SVOP: variants seen among roughly 807,000 people sequenced by gnomAD.
The protein encoded by SVOP is synaptic vesicle 2-related protein.
SVOP carries 17 observed loss-of-function variants against 69.1 expected under a neutral mutation model. The ratio of observed to expected loss-of-function variants is 0.25; its 90% CI spans 0.17 to 0.37. SVOP has a LOEUF of 0.37. SVOP is among the 10% of genes least tolerant of loss of function. The probability of loss-of-function intolerance (pLI) is 1.00; values close to 1 mark genes in which losing one functional copy is unlikely to be tolerated. For missense variants in SVOP, 435 were observed against 597.5 expected, an observed-to-expected ratio of 0.73 and a Z score of 2.84; for synonymous variants, 238 against 238.6, an observed-to-expected ratio of 1.00 and a Z score of 0.02.
intron 2 of SVOP, among the ~76,000 whole-genome samples, chr12:108,981,558 T>A (rs908004419): frequency 2.8e-4 from 42 of 152,216 alleles, no homozygotes; most frequent in Admixed American, 1.2e-3. Flanking sequence ...TGGGTAAGAA[T>A]GTGGGCTCTG....
chr12:108,976,477 G>A (rs1324390693), intron 4 of SVOP, among the ~76,000 whole-genome samples: 2 of 152,156 alleles, frequency 1.3e-5, no homozygotes, highest in East Asian at 1.9e-4. Flanking sequence ...GGATTAAAGA[G>A]CACATGTACA....
intron 5 of SVOP, among the ~76,000 whole-genome samples, chr12:108,964,519 C>G (rs1435514825): frequency 6.6e-6 from 1 of 151,654 alleles, no homozygotes; most frequent in Non-Finnish European, 1.5e-5. Flanking sequence ...TGCTGGGAGC[C>G]GTATTATCTG....
chr12:108,946,232 G>T (rs2137410902), intron 6 of SVOP, among the ~76,000 whole-genome samples: 1 of 151,604 alleles, frequency 6.6e-6, no homozygotes, highest in African/African-American at 2.4e-5. Flanking sequence ...CAAGTGCTAG[G>T]ATTATAGGCA....
At chr12:108,982,137 TATC>T (rs1436705757) in intron 2 of SVOP, among the ~76,000 whole-genome samples, 6 of 149,342 alleles carry the variant, frequency 4.0e-5, no homozygotes, top group African/African-American at 7.4e-5. Context: ...TCATCATCAC[TATC>T]ATCATCATTG....
At chr12:108,986,685 G>C (rs985907954) in intron 1 of SVOP, among the ~76,000 whole-genome samples, 2 of 152,112 alleles carry the variant, frequency 1.3e-5, no homozygotes, top group African/African-American at 4.8e-5. Flanking sequence ...ATAATAAGTT[G>C]CTCAATATTA....
chr12:108,959,147 G>T (rs149883096), intron 6 of SVOP, among the ~76,000 whole-genome samples: 44 of 151,936 alleles, frequency 2.9e-4, no homozygotes, highest in African/African-American at 1.0e-3. Flanking sequence ...ACAAGGGATC[G>T]CCCTGGTCCT....
At chr12:108,967,369 C>T (rs1043314809) in intron 5 of SVOP, among the ~76,000 whole-genome samples, 4 of 151,932 alleles carry the variant, frequency 2.6e-5, no homozygotes, top group Admixed American at 6.6e-5. Flanking sequence ...CCTGGTGGCA[C>T]GTGCCTGTAG....
chr12:108,960,268 A>AGTCAGCAGGTCGAATTCT (rs2040010082), intron 6 of SVOP, among the ~76,000 whole-genome samples: 1 of 152,202 alleles, frequency 6.6e-6, no homozygotes, highest in South Asian at 2.1e-4. Flanking sequence ...TTACAAAACC[A>AGTCAGCAGGTCGAATTCT]GTCAGCAGGT....
intron 3 of SVOP, chr12:108,978,375 G>T: frequency 1.9e-6 from 1 of 513,740 alleles, no homozygotes; most frequent in Non-Finnish European, 3.4e-6. Context: ...CCTTCTTGGG[G>T]GCAACTGCCA....
chr12:108,940,978 T>G, intron 7 of SVOP, 69 bp from the exon 8 acceptor site: 1 of 1,501,082 alleles, frequency 6.7e-7, no homozygotes, highest in Non-Finnish European at 8.9e-7. Flanking sequence ...TATGGGGGCA[T>G]TGTGGACAAG....
intron 6 of SVOP, among the ~76,000 whole-genome samples, chr12:108,947,521 A>G (rs2039932142): frequency 6.6e-6 from 1 of 152,142 alleles, no homozygotes; most frequent in Admixed American, 6.5e-5. Flanking sequence ...CCCTTCTCCA[A>G]TAATGGGAAA....
Position 108,988,918 on chromosome 12 carries a change from G to A in SVOP, c.36-5157C>T, listed in dbSNP as rs563831184. 2.6e-4 allele frequency among the ~76,000 whole-genome samples: 38 copies of A among 145,776 alleles called. No homozygotes were observed. The South Asian group carries it at 5.5e-3, about 21-fold the overall frequency. ...CTCCTGAGTAGCTGGGACTACAGGC[G>A]CATGCCACCACACCCAGCTAATTTT... On this transcript the variant is annotated intron_variant, in intron 1 of 15. Transcript: ENST00000610966.
chr12:108,978,362 A>G, intron 3 of SVOP: 1 of 506,242 alleles, frequency 2.0e-6, no homozygotes, highest in Non-Finnish European at 3.5e-6. Flanking sequence ...AGAAAGTTCA[A>G]CTCCTTCTTG....
chr12:109,001,478 C>CA (rs1211345879), intron 1 of SVOP, among the ~76,000 whole-genome samples: 1 of 149,520 alleles, frequency 6.7e-6, no homozygotes, highest in Non-Finnish European at 1.5e-5. Context: ...CATATGGAAC[C>CA]AAAAAAGAGC....
At chr12:108,920,364 G>T (rs78572782) in intron 12 of SVOP, among the ~76,000 whole-genome samples, 5,362 of 152,258 alleles carry the variant, frequency 0.035, 136 homozygotes, top group Middle Eastern at 0.099. Flanking sequence ...GCAGGAGCCT[G>T]AATGATGACA....
chr12:108,995,942 T>C (rs12309336), intron 1 of SVOP, among the ~76,000 whole-genome samples: 4,079 of 151,824 alleles, frequency 0.027, 125 homozygotes, highest in East Asian at 0.15. Context: ...ATGTTACATA[T>C]ATTTTACCAC....
At chr12:108,975,585 T>C (rs1320232837) in intron 4 of SVOP, among the ~76,000 whole-genome samples, 3 of 152,230 alleles carry the variant, frequency 2.0e-5, no homozygotes, top group Non-Finnish European at 4.4e-5. Flanking sequence ...AGAGGTAATG[T>C]ATGCAAAACC....
intron 14 of SVOP, 93 bp from the exon 15 acceptor site, chr12:108,915,965 C>A: frequency 7.9e-7 from 1 of 1,266,878 alleles, no homozygotes; most frequent in Non-Finnish European, 1.1e-6. Flanking sequence ...CAGGGGCAGG[C>A]CGGAAGTCAG....
intron 5 of SVOP, among the ~76,000 whole-genome samples, chr12:108,963,019 T>C (rs2040025657): frequency 6.6e-6 from 1 of 152,070 alleles, no homozygotes; most frequent in Non-Finnish European, 1.5e-5. Flanking sequence ...TCCTGGAGTG[T>C]TAATTACCCT....
Sources: gnomAD v4.1 joint callset for allele counts (sites outside exome capture counted in the v4.1 genomes callset) on GRCh38, gnomAD v4.1.1 for gene constraint, MANE v1.5 for transcripts, NCBI Gene and HGNC (gene_info 2026-07-23, HGNC 2026-07-21) for gene names.